MLLT1: variants seen among roughly 807,000 people sequenced by gnomAD.
MLLT1 encodes the protein MLLT1 super elongation complex subunit.
Under a neutral mutation model 55.1 loss-of-function variants are expected in MLLT1, and 11 were observed. That is an observed-to-expected ratio of 0.20 (90% CI 0.13 to 0.33). The LOEUF is 0.33. Ranked by LOEUF, MLLT1 falls within the 10% of genes least tolerant of loss-of-function variation. MLLT1 has a pLI of 1.00. For missense variants in MLLT1, 536 were observed against 760.6 expected, an observed-to-expected ratio of 0.70 and a Z score of 3.47; for synonymous variants, 323 against 320.1, an observed-to-expected ratio of 1.01 and a Z score of -0.10.
At chr19:6,248,856 G>A (rs191842568) in intron 3 of MLLT1, among the ~76,000 whole-genome samples, 3 of 152,294 alleles carry the variant, frequency 2.0e-5, no homozygotes, top group African/African-American at 7.2e-5. Context: ...GTTGGGTTGT[G>A]GGGGAGGTCC....
rs73920617 is a variant in MLLT1, at chr19:6,242,793, C to T, written c.277-12080G>A. 3.7e-3 allele frequency among the ~76,000 whole-genome samples: 559 copies of T among 152,296 alleles called. 5 individuals carry two copies. Among genetic ancestry groups the T allele is most frequent in the African/African-American group, 0.013 (535 of 41,552 alleles). ...AGAAACAAGTGCCCCGGCCAGCATC[C>T]CCTCATGTGACTGCATCTACAGGGC... is the stretch of plus-strand genomic sequence containing the variant. On this transcript the variant is annotated intron_variant, in intron 3 of 11. Transcript: ENST00000252674.
Position 6,273,268 on chromosome 19 carries a change from T to G in MLLT1, c.13-2509A>C, listed in dbSNP as rs188411051. Reference sequence around the variant, plus strand: ...CCCATGAGGAGGCAACCAGAAGGAGTGGCTGGAAAAAGGGGTGAACACAGC... The same window carrying G: ...CCCATGAGGAGGCAACCAGAAGGAGGGGCTGGAAAAAGGGGTGAACACAGC... On this transcript the variant is annotated intron_variant, in intron 1 of 11. Transcript: ENST00000252674. This position sits in a 1 kb window ranked among gnomAD's most constrained non-coding sequence, Gnocchi z 4.3. Among the ~76,000 whole-genome samples the G allele has an allele frequency of 4.6e-4, 69 of 150,646 alleles. No homozygotes were observed. The East Asian group carries it at 0.013, about 28-fold the overall frequency.
chr19:6,217,848 A>G, intron 7 of MLLT1, 106 bp downstream of exon 7: 4 of 1,463,494 alleles, frequency 2.7e-6, no homozygotes, highest in South Asian at 1.4e-5. Context: ...ACAGATCTGC[A>G]GGGCCCAGCC....
intron 3 of MLLT1, among the ~76,000 whole-genome samples, chr19:6,250,950 G>A (rs2091207842): frequency 6.6e-6 from 1 of 152,158 alleles, no homozygotes; most frequent in South Asian, 2.1e-4. Flanking sequence ...CAACACGGAT[G>A]AACTCACAAA....
At chr19:6,259,054 G>A (rs1297612167) in intron 3 of MLLT1, 1 of 152,256 alleles carries the variant, frequency 6.6e-6, no homozygotes, top group African/African-American at 2.4e-5. Context: ...GCCCAGAGGA[G>A]TGTCCCACTC....
At chr19:6,216,723 C>G (rs2090848293) in intron 7 of MLLT1, 3 of 573,008 alleles carry the variant, frequency 5.2e-6, no homozygotes, top group Non-Finnish European at 9.3e-6. Flanking sequence ...CTGGCTCCCC[C>G]ACCCCTCCCT....
At chr19:6,220,600 G>A (rs1020314496) in intron 6 of MLLT1, among the ~76,000 whole-genome samples, 1 of 152,262 alleles carries the variant, frequency 6.6e-6, no homozygotes, top group African/African-American at 2.4e-5. Context: ...GCCAGGCCGG[G>A]TGAGCAGAGC....
chr19:6,244,903 C>G (rs778323662), intron 3 of MLLT1, among the ~76,000 whole-genome samples: 2 of 152,160 alleles, frequency 1.3e-5, no homozygotes, highest in African/African-American at 2.4e-5. Flanking sequence ...TTCACACCCA[C>G]TAGGACAGAC....
chr19:6,216,597 A>T (rs1011167787), intron 7 of MLLT1, 84 bp from the exon 8 acceptor site: 1 of 982,428 alleles, frequency 1.0e-6, no homozygotes, highest in Non-Finnish European at 1.5e-6. Flanking sequence ...GAGGCCACGC[A>T]GAGCTTCTTG....
intron 3 of MLLT1, among the ~76,000 whole-genome samples, chr19:6,242,366 A>AGGC (rs932165797): frequency 1.3e-5 from 2 of 152,170 alleles, no homozygotes; most frequent in Non-Finnish European, 2.9e-5. Flanking sequence ...TAAGGCTATG[A>AGGC]GGCCAGTGCG....
chr19:6,246,540 G>C (rs1451776947), intron 3 of MLLT1, among the ~76,000 whole-genome samples: 2 of 152,126 alleles, frequency 1.3e-5, no homozygotes, highest in Non-Finnish European at 2.9e-5. Flanking sequence ...AGATACAAAA[G>C]GGCTACATAT....
chr19:6,230,229 C>CA lies in MLLT1; in HGVS notation c.420+340_420+341insT, dbSNP rs1568280992. ...CGATGCGCACGGCAGGGGCCCTGTG[C>CA]GGAGGCCCTGCCCAGCTAGTTACAA... is the stretch of plus-strand genomic sequence containing the variant. On this transcript the variant is annotated intron_variant, in intron 4 of 11. Coordinates refer to ENST00000252674, the MANE Select transcript of MLLT1 (RefSeq NM_005934.4). The surrounding 1 kb of genome is among the most constrained non-coding windows in gnomAD (Gnocchi z 9.0). Among the ~76,000 whole-genome samples the CA allele has an allele frequency of 6.6e-6, 1 of 152,210 alleles. No individual in the cohort carries two copies. Among genetic ancestry groups the CA allele is most frequent in the African/African-American group, 2.4e-5 (1 of 41,452 alleles).
At chr19:6,278,804 G>C (rs536047336) in intron 1 of MLLT1, among the ~76,000 whole-genome samples, 72 of 152,310 alleles carry the variant, frequency 4.7e-4, no homozygotes, top group Non-Finnish European at 3.5e-4. Flanking sequence ...TCAGAGCAGA[G>C]GGTCTGAAGG....
At chr19:6,225,480 T>A (rs2090946775) in intron 5 of MLLT1, among the ~76,000 whole-genome samples, 1 of 152,168 alleles carries the variant, frequency 6.6e-6, no homozygotes, top group African/African-American at 2.4e-5. Context: ...CAGGGCTCCA[T>A]GGTGGGGCCG....
chr19:6,274,753 G>A (rs1033031929), intron 1 of MLLT1, among the ~76,000 whole-genome samples: 4 of 152,164 alleles, frequency 2.6e-5, no homozygotes, highest in South Asian at 2.1e-4. Flanking sequence ...GGACTGTCCC[G>A]GAAAGAGCTG....
chr19:6,234,792 A>G (rs964109497), intron 3 of MLLT1, among the ~76,000 whole-genome samples: 1 of 152,214 alleles, frequency 6.6e-6, no homozygotes, highest in East Asian at 1.9e-4. Context: ...CAAAGCAAAA[A>G]AAGAGTGCTT....
intron 3 of MLLT1, among the ~76,000 whole-genome samples, chr19:6,247,450 A>C (rs1352137128): frequency 6.6e-6 from 1 of 152,154 alleles, no homozygotes; most frequent in African/African-American, 2.4e-5. Flanking sequence ...GAACAATTTC[A>C]ATAACAAACA....
intron 2 of MLLT1, among the ~76,000 whole-genome samples, chr19:6,265,800 G>A (rs367977385): frequency 6.6e-6 from 1 of 152,066 alleles, no homozygotes; most frequent in African/African-American, 2.4e-5. Flanking sequence ...CCAACATGGT[G>A]AAACCCTGTC....
intron 1 of MLLT1, among the ~76,000 whole-genome samples, chr19:6,272,375 A>G (rs2091402529): frequency 6.6e-6 from 1 of 152,126 alleles, no homozygotes; most frequent in Admixed American, 6.6e-5. Context: ...CCAGCCCCAG[A>G]CACACCAGGA....
Sources: allele counts gnomAD v4.1 joint callset (sites outside exome capture counted in the v4.1 genomes callset), GRCh38; gene constraint gnomAD v4.1.1; non-coding constraint Gnocchi (gnomAD v3.1); transcripts MANE v1.5; gene names NCBI Gene and HGNC (gene_info 2026-07-23, HGNC 2026-07-21).